The following IMPA2 variants were observed in gnomAD, a reference collection of about 807,000 sequenced individuals.
IMPA2 encodes the protein inositol monophosphatase 2, also known as IMP 2.
Under a neutral mutation model 35.1 loss-of-function variants are expected in IMPA2, and 32 were observed. That is an observed-to-expected ratio of 0.91 (90% CI 0.69 to 1.23). The LOEUF is 1.23. Ranked by LOEUF, IMPA2 falls within the 50% of genes most tolerant of loss-of-function variation. The pLI is 0.00. For missense variants in IMPA2, 334 were observed against 387.6 expected (o/e 0.86, Z 1.16); for synonymous variants, 135 against 160.6 (o/e 0.84, Z 1.20).
chr18:12,009,606 C>G (rs781118752), intron 2 of IMPA2, among the ~76,000 whole-genome samples: 7 of 152,162 alleles, frequency 4.6e-5, no homozygotes, highest in Non-Finnish European at 8.8e-5. Flanking sequence ...TTCACGCTTG[C>G]ATTTCTCTGC....
chr18:11,999,964 C>G (rs1416230820), intron 2 of IMPA2, among the ~76,000 whole-genome samples: 8 of 152,238 alleles, frequency 5.3e-5, no homozygotes, highest in African/African-American at 2.4e-5. Flanking sequence ...GAAGACCATG[C>G]AAGGGATCTT....
chr18:12,012,063 G>A (rs1907447241), intron 3 of IMPA2, 107 bp from the exon 4 acceptor site: 1 of 905,882 alleles, frequency 1.1e-6, no homozygotes, highest in South Asian at 1.6e-5. Context: ...AACCCACCCA[G>A]AGTGTAGGAA....
chr18:11,996,949 C>T (rs1288437092), intron 1 of IMPA2, among the ~76,000 whole-genome samples: 1 of 151,910 alleles, frequency 6.6e-6, no homozygotes, highest in African/African-American at 2.4e-5. Context: ...GATACACACA[C>T]ACCCAGAGAT....
intron 5 of IMPA2, among the ~76,000 whole-genome samples, chr18:12,019,030 T>G (rs1347715497): frequency 6.6e-6 from 1 of 152,102 alleles, no homozygotes; most frequent in Non-Finnish European, 1.5e-5. Flanking sequence ...CTCGATAGGT[T>G]TCCCAGGCTG....
At chr18:11,995,541 T>C (rs570821101) in intron 1 of IMPA2, among the ~76,000 whole-genome samples, 5 of 152,308 alleles carry the variant, frequency 3.3e-5, no homozygotes, top group African/African-American at 1.2e-4. Context: ...CTGGAAGCTA[T>C]TTTATGCTCC....
chr18:11,988,001 C>CTTTTTTTTTTT (rs71172043), intron 1 of IMPA2, among the ~76,000 whole-genome samples: 2 of 101,860 alleles, frequency 2.0e-5, no homozygotes, highest in Non-Finnish European at 1.8e-5. Context: ...TGTTTATTGG[C>CTTTTTTTTTTT]TTTTTTTTTT....
At chr18:11,983,703 C>T (rs181230861) in intron 1 of IMPA2, among the ~76,000 whole-genome samples, 50 of 152,110 alleles carry the variant, frequency 3.3e-4, no homozygotes, top group African/African-American at 1.2e-3. Context: ...CCGGGCCGCC[C>T]GGGGCTCCCC....
At chr18:11,985,552 A>AT (rs1313475840) in intron 1 of IMPA2, among the ~76,000 whole-genome samples, 1 of 152,214 alleles carries the variant, frequency 6.6e-6, no homozygotes, top group African/African-American at 2.4e-5. Context: ...CCTTCTATGA[A>AT]TTTTTTTATA....
At chr18:12,002,383 C>T (rs572990515) in intron 2 of IMPA2, among the ~76,000 whole-genome samples, 2 of 152,222 alleles carry the variant, frequency 1.3e-5, no homozygotes, top group South Asian at 2.1e-4. Flanking sequence ...ACAGGCTCCC[C>T]AGTTTTATTA....
intron 1 of IMPA2, among the ~76,000 whole-genome samples, chr18:11,996,899 C>T (rs1906973490): frequency 6.6e-6 from 1 of 151,710 alleles, no homozygotes; most frequent in Non-Finnish European, 1.5e-5. Flanking sequence ...CAGAGATACA[C>T]ACAGAGACAC....
At chr18:12,019,211 C>G (rs909617327) in intron 5 of IMPA2, among the ~76,000 whole-genome samples, 1 of 152,076 alleles carries the variant, frequency 6.6e-6, no homozygotes, top group Non-Finnish European at 1.5e-5. Context: ...TTTCAGATAA[C>G]TGAGGGCATT....
intron 1 of IMPA2, among the ~76,000 whole-genome samples, chr18:11,990,483 C>T (rs1598683572): frequency 6.6e-6 from 1 of 152,114 alleles, no homozygotes; most frequent in African/African-American, 2.4e-5. Flanking sequence ...GCACCAAGGA[C>T]CTCCAAGAAA....
At chr18:12,000,984 C>G (rs1907100802) in intron 2 of IMPA2, among the ~76,000 whole-genome samples, 1 of 151,546 alleles carries the variant, frequency 6.6e-6, no homozygotes, top group Non-Finnish European at 1.5e-5. Context: ...GTAATCCCAG[C>G]ACTTTGGGAG....
intron 2 of IMPA2, among the ~76,000 whole-genome samples, 200 bp downstream of exon 2, chr18:11,999,387 TAAC>T (rs1453438787): frequency 6.6e-6 from 1 of 152,262 alleles, no homozygotes; most frequent in Non-Finnish European, 1.5e-5. Context: ...ACTGTCATCT[TAAC>T]AACCATCACG....
At chr18:12,019,838 T>C (rs1386825724) in intron 5 of IMPA2, among the ~76,000 whole-genome samples, 2 of 152,088 alleles carry the variant, frequency 1.3e-5, no homozygotes, top group Non-Finnish European at 2.9e-5. Flanking sequence ...TGGAAAGTTG[T>C]CAGGCTTACA....
intron 1 of IMPA2, chr18:11,994,128 C>G (rs1381961795): frequency 1.3e-5 from 2 of 152,224 alleles, no homozygotes; most frequent in Non-Finnish European, 2.9e-5. Flanking sequence ...AATCCCAGCA[C>G]TTTGGGAGGC....
intron 4 of IMPA2, 199 bp downstream of exon 4, chr18:12,012,414 C>T (rs1907459966): frequency 1.5e-5 from 9 of 586,290 alleles, no homozygotes; most frequent in Non-Finnish European, 2.7e-5. Flanking sequence ...GGGTGGGGCT[C>T]CGTGGCTGGC....
In IMPA2 at chr18:11,991,432, C is replaced by T. The variant is rs745597829; in HGVS notation, c.97-7622C>T. Among the ~76,000 whole-genome samples the T allele has an allele frequency of 5.3e-5, 8 of 152,150 alleles. No individual in the cohort carries two copies. Among genetic ancestry groups the T allele is most frequent in the Non-Finnish European group, 7.3e-5 (5 of 68,032 alleles). ...GTTGAGGTTGTACAGAGATTTGTGA[C>T]GCATCAACAGCTGTGAACTGCTGAC... On this transcript the variant is annotated intron_variant, in intron 1 of 7. Transcript: ENST00000269159. The surrounding 1 kb of genome is among the most constrained non-coding windows in gnomAD (Gnocchi z 4.1).
chr18:11,999,913 A>G (rs1207262370), intron 2 of IMPA2, among the ~76,000 whole-genome samples: 3 of 152,242 alleles, frequency 2.0e-5, no homozygotes, highest in Non-Finnish European at 2.9e-5. Flanking sequence ...GGGGGCTCTA[A>G]GGCCCCTCTC....
Sources: allele counts gnomAD v4.1 joint callset (sites outside exome capture counted in the v4.1 genomes callset), GRCh38; gene constraint gnomAD v4.1.1; non-coding constraint Gnocchi (gnomAD v3.1); transcripts MANE v1.5; gene names NCBI Gene and HGNC (gene_info 2026-07-23, HGNC 2026-07-21).